TENM2: variants seen among roughly 807,000 people sequenced by gnomAD.
TENM2 encodes the protein teneurin transmembrane protein 2.
Under a neutral mutation model 245.2 loss-of-function variants are expected in TENM2, and 52 were observed. That is an observed-to-expected ratio of 0.21 (90% CI 0.17 to 0.27). TENM2 has a LOEUF of 0.27. TENM2 is among the 10% of genes least tolerant of loss of function. The pLI is 1.00. For synonymous variants in TENM2, 1,363 were observed against 1,438.9 expected, an observed-to-expected ratio of 0.95 and a Z score of 1.19; for missense variants, 3,046 against 3,666.8, an observed-to-expected ratio of 0.83 and a Z score of 4.37.
At chr5:167,748,846 C>T (rs1047646851) in intron 2 of TENM2, among the ~76,000 whole-genome samples, 2 of 152,016 alleles carry the variant, frequency 1.3e-5, no homozygotes, top group African/African-American at 2.4e-5. Flanking sequence ...TCAATCACCT[C>T]CCACCGGATC....
intron 2 of TENM2, among the ~76,000 whole-genome samples, chr5:167,401,906 A>G (rs548891539): frequency 1.3e-5 from 2 of 152,088 alleles, no homozygotes; most frequent in Admixed American, 1.3e-4. Context: ...TAAAAACAGA[A>G]CTTATAGAGG....
intron 3 of TENM2, among the ~76,000 whole-genome samples, chr5:167,898,401 G>C (rs879326088): frequency 1.3e-5 from 2 of 152,078 alleles, no homozygotes; most frequent in Admixed American, 6.6e-5. Context: ...GCTTGGACTT[G>C]CTTAGCTATC....
intron 3 of TENM2, among the ~76,000 whole-genome samples, chr5:167,924,152 C>G (rs1479018108): frequency 6.6e-6 from 1 of 152,148 alleles, no homozygotes; most frequent in African/African-American, 2.4e-5. Context: ...GCATCGTCTC[C>G]CCACATCCAA....
At chr5:167,636,381 T>G (rs1053080930) in intron 2 of TENM2, among the ~76,000 whole-genome samples, 2 of 152,216 alleles carry the variant, frequency 1.3e-5, no homozygotes, top group African/African-American at 4.8e-5. Flanking sequence ...GCTATCTGCA[T>G]TAATCAGATA....
chr5:167,028,778 A>G, the TENM2 span, among the ~76,000 whole-genome samples: 1 of 152,100 alleles, frequency 6.6e-6, no homozygotes, highest in East Asian at 1.9e-4. Flanking sequence ...GTAACTAAAG[A>G]CACTAAATTG....
chr5:168,117,717 A>G (rs545752310), intron 9 of TENM2, among the ~76,000 whole-genome samples: 1 of 152,334 alleles, frequency 6.6e-6, no homozygotes, highest in African/African-American at 2.4e-5. Flanking sequence ...TGAGACTTTC[A>G]GTGGCTCAGC....
intron 7 of TENM2, among the ~76,000 whole-genome samples, chr5:168,072,484 C>T (rs1264329715): frequency 3.3e-5 from 5 of 152,168 alleles, no homozygotes; most frequent in African/African-American, 1.2e-4. Context: ...CATTGAATGT[C>T]TGTACTGGGG....
the TENM2 span, among the ~76,000 whole-genome samples, chr5:167,258,677 T>G: frequency 6.6e-6 from 1 of 152,162 alleles, no homozygotes; most frequent in African/African-American, 2.4e-5. Context: ...GCCACTTTGC[T>G]TTTTTATTTA....
At chr5:168,174,681 C>T (rs115251634) in intron 13 of TENM2, among the ~76,000 whole-genome samples, 228 of 152,304 alleles carry the variant, frequency 1.5e-3, no homozygotes, top group African/African-American at 5.1e-3. Context: ...GGGATTCCTC[C>T]GAGCGTGTCA....
At chr5:167,021,041 G>T in the TENM2 span, among the ~76,000 whole-genome samples, 3 of 152,202 alleles carry the variant, frequency 2.0e-5, no homozygotes, top group Non-Finnish European at 4.4e-5. Context: ...CTACTCAGGA[G>T]GCTGAGGCAC....
the TENM2 span, among the ~76,000 whole-genome samples, chr5:167,074,737 C>T: frequency 1.7e-3 from 266 of 152,264 alleles, 2 homozygotes; most frequent in Non-Finnish European, 2.5e-3. Context: ...CATGGGTGCG[C>T]GGCCTGAACA....
the TENM2 span, among the ~76,000 whole-genome samples, chr5:167,005,774 G>T: frequency 6.8e-6 from 1 of 147,224 alleles, no homozygotes; most frequent in Non-Finnish European, 1.5e-5. Context: ...TGATTATCCT[G>T]CCTCAGCCTC....
In TENM2 at chr5:167,870,628, T is replaced by C. The variant is rs184970408; in HGVS notation, c.503-5358T>C. The stretch of plus-strand genomic sequence containing the variant: ...ATATATGTATATATATGTATATATA[T>C]ACACACACACATATATAGTAATATA... On this transcript the variant is annotated intron_variant, in intron 2 of 28. Coordinates refer to ENST00000518659, the Ensembl canonical transcript of TENM2. Among the ~76,000 whole-genome samples the C allele has an allele frequency of 2.9e-3, 429 of 147,752 alleles. 1 individual carries two copies. Among genetic ancestry groups the C allele is most frequent in the African/African-American group, 9.6e-3 (388 of 40,422 alleles).
intron 5 of TENM2, among the ~76,000 whole-genome samples, chr5:168,024,935 A>T (rs1184368963): frequency 6.6e-6 from 1 of 152,200 alleles, no homozygotes. Flanking sequence ...TGCAAAGATG[A>T]TGTTACTCTA....
chr5:167,725,684 G>A (rs1054329140), intron 2 of TENM2, among the ~76,000 whole-genome samples: 1 of 151,996 alleles, frequency 6.6e-6, no homozygotes, highest in Admixed American at 6.6e-5. Context: ...TGTATGGCTC[G>A]CCAGTGCCCT....
intron 17 of TENM2, among the ~76,000 whole-genome samples, chr5:168,201,315 T>G (rs1202694132): frequency 1.3e-5 from 2 of 152,054 alleles, no homozygotes; most frequent in South Asian, 4.2e-4. Context: ...CACATACATA[T>G]ATACAGATAT....
At chr5:167,573,989 C>A (rs1774467220) in intron 2 of TENM2, 1 of 151,962 alleles carries the variant, frequency 6.6e-6, no homozygotes, top group Non-Finnish European at 1.5e-5. Context: ...AGATGCTGCA[C>A]GCTGCTAACA....
the TENM2 span, among the ~76,000 whole-genome samples, chr5:167,177,919 G>T: frequency 6.6e-6 from 1 of 152,156 alleles, no homozygotes; most frequent in Non-Finnish European, 1.5e-5. Context: ...TATAAAACAC[G>T]CAAAGCCTCA....
chr5:167,419,870 G>A (rs1189203405), intron 2 of TENM2, among the ~76,000 whole-genome samples: 1 of 152,172 alleles, frequency 6.6e-6, no homozygotes, highest in Non-Finnish European at 1.5e-5. Context: ...AGTAACAAGA[G>A]GGGACTTCCA....
Sources: gnomAD v4.1 joint callset for allele counts (sites outside exome capture counted in the v4.1 genomes callset) on GRCh38, gnomAD v4.1.1 for gene constraint, MANE v1.5 for transcripts, NCBI Gene and HGNC (gene_info 2026-07-23, HGNC 2026-07-21) for gene names.